The following NAA16 variants were observed in gnomAD, a reference collection of about 807,000 sequenced individuals.
NAA16 encodes N-alpha-acetyltransferase 16, NatA auxiliary subunit.
Under a neutral mutation model 110.3 loss-of-function variants are expected in NAA16, and 97 were observed. The observed-to-expected ratio is 0.88, with a 90% CI of 0.75 to 1.04. The LOEUF (loss-of-function observed/expected upper bound fraction) is 1.04. Ranked by LOEUF, NAA16 falls within the 50% of genes least tolerant of loss-of-function variation. NAA16 has a pLI of 0.00. For synonymous variants in NAA16, 372 were observed against 330.6 expected (o/e 1.13, Z -1.36); for missense variants, 1,017 against 1,005.1 (o/e 1.01, Z -0.16).
At chr13:41,335,614 G>T (rs1200392934) in intron 8 of NAA16, among the ~76,000 whole-genome samples, 1 of 152,078 alleles carries the variant, frequency 6.6e-6, no homozygotes, top group Admixed American at 6.6e-5. Context: ...AGTATTTTGT[G>T]TATGATCTAA....
chr13:41,339,153 T>TTTG, intron 9 of NAA16, among the ~76,000 whole-genome samples: 1 of 152,164 alleles, frequency 6.6e-6, no homozygotes, highest in Admixed American at 6.5e-5. Flanking sequence ...TGTTTGTTTG[T>TTTG]TTTTGAGTCA....
intron 9 of NAA16, among the ~76,000 whole-genome samples, chr13:41,342,272 G>C (rs1240231528): frequency 6.6e-6 from 1 of 152,036 alleles, no homozygotes; most frequent in Non-Finnish European, 1.5e-5. Context: ...CGAGTAGCTG[G>C]GACTACAGGC....
At chr13:41,318,356 C>T (rs940967821) in intron 2 of NAA16, among the ~76,000 whole-genome samples, 4 of 152,130 alleles carry the variant, frequency 2.6e-5, no homozygotes, top group African/African-American at 9.7e-5. Context: ...CAGGCACATG[C>T]CACCATGCCT....
intron 9 of NAA16, among the ~76,000 whole-genome samples, chr13:41,341,104 G>A (rs779716285): frequency 7.9e-5 from 12 of 152,168 alleles, no homozygotes; most frequent in Non-Finnish European, 1.3e-4. Flanking sequence ...GAATAAGTGC[G>A]ATGTGGTGCT....
chr13:41,355,216 G>A lies in NAA16; in HGVS notation c.1087G>A (p.Glu363Lys). 1.3e-6 allele frequency: 2 copies of A among 1,555,294 alleles called. No individual in the cohort carries two copies. Among genetic ancestry groups the A allele is most frequent in the Non-Finnish European group, 1.8e-6 (2 of 1,140,538 alleles). ...AACGTGTGACTTTTTTAGCCCATATGGTAAGTTTAAATTAGATTGAATTGG... is the reference window on the plus strand; with the variant it reads ...AACGTGTGACTTTTTTAGCCCATATAGTAAGTTTAAATTAGATTGAATTGG... The part of the protein sequence containing the change: ...LKTCDFFSPY[E>K]NGEKEPPTTL... The change falls in exon 10 of 20, where the codon GAG becomes AAG. Residue 363 changes from glutamate to lysine, a missense_variant and splice_region_variant. Physicochemically the swap from Glu to Lys is moderately conservative, Grantham distance 56. Coordinates refer to ENST00000379406, the MANE Select transcript of NAA16 (RefSeq NM_024561.5).
intron 12 of NAA16, among the ~76,000 whole-genome samples, chr13:41,359,901 G>A (rs1001494564): frequency 2.0e-5 from 3 of 152,118 alleles, no homozygotes; most frequent in East Asian, 3.8e-4. Flanking sequence ...GGATAAAGAA[G>A]CATTCTTTAT....
At chr13:41,314,867 C>G (rs1051962884) in intron 1 of NAA16, among the ~76,000 whole-genome samples, 1 of 152,072 alleles carries the variant, frequency 6.6e-6, no homozygotes, top group Non-Finnish European at 1.5e-5. Context: ...CATGATGGCA[C>G]ACACCTGTAG....
At chr13:41,362,328 A>G in intron 13 of NAA16, 169 bp downstream of exon 13, 1 of 614,392 alleles carries the variant, frequency 1.6e-6, no homozygotes, top group Non-Finnish European at 2.7e-6. Context: ...GGATTGCTTT[A>G]CTGATCCTCA....
rs145500736 is a variant in NAA16, at chr13:41,366,411, A to G, written c.1540-1028A>G. On this transcript the variant is annotated intron_variant, in intron 13 of 19. Transcript: ENST00000379406. ...ATGAACTAGTAGGAAAGCTTGATCT[A>G]TATTGGTGTATTGAATCACTCATTT... 6.9e-3 allele frequency among the ~76,000 whole-genome samples: 1,051 copies of G among 152,260 alleles called. 14 individuals carry two copies. The highest frequency in any genetic ancestry group is 0.024 in the African/African-American group (989 of 41,554).
At chr13:41,368,322 C>G (rs1280918997) in intron 14 of NAA16, among the ~76,000 whole-genome samples, 1 of 152,022 alleles carries the variant, frequency 6.6e-6, no homozygotes, top group Non-Finnish European at 1.5e-5. Context: ...CTGTTCATTT[C>G]TAATATTTAT....
chr13:41,351,431 G>A (rs985114118), intron 9 of NAA16, among the ~76,000 whole-genome samples: 1 of 152,050 alleles, frequency 6.6e-6, no homozygotes, highest in African/African-American at 2.4e-5. Flanking sequence ...AGCAATTTTG[G>A]TCCTTGCTGG....
chr13:41,372,697 T>C, intron 16 of NAA16, 35 bp from the exon 17 acceptor site: 1 of 1,564,428 alleles, frequency 6.4e-7, no homozygotes, highest in Admixed American at 1.8e-5. Context: ...TGTGTAAGTA[T>C]TAATGCTATT....
At chr13:41,325,878 G>A (rs2042080607) in intron 6 of NAA16, 27 bp downstream of exon 6, 2 of 1,560,500 alleles carry the variant, frequency 1.3e-6, no homozygotes, top group South Asian at 2.4e-5. Context: ...TTTTTTAATA[G>A]CCTCAAACAG....
intron 8 of NAA16, 100 bp from the exon 9 acceptor site, chr13:41,336,550 A>G (rs888381400): frequency 1.5e-6 from 1 of 664,092 alleles, no homozygotes. Context: ...ATTGGATAGG[A>G]GCATAATTGC....
intron 6 of NAA16, 122 bp from the exon 7 acceptor site, chr13:41,328,602 A>G (rs2042153289): frequency 2.6e-6 from 2 of 760,940 alleles, no homozygotes; most frequent in South Asian, 1.9e-5. Context: ...ACATGCCCAA[A>G]GGGGAAGCAT....
chr13:41,359,173 T>C (rs1268392041), intron 12 of NAA16, among the ~76,000 whole-genome samples: 1 of 152,154 alleles, frequency 6.6e-6, no homozygotes, highest in Admixed American at 6.5e-5. Context: ...CAGGGGATGG[T>C]TAAAAAACAA....
chr13:41,368,194 AT>A (rs1365109832), intron 14 of NAA16, among the ~76,000 whole-genome samples: 3 of 152,164 alleles, frequency 2.0e-5, no homozygotes, highest in Non-Finnish European at 4.4e-5. Context: ...AAAAATAAGA[AT>A]ATCAGTGAGA....
Position 41,311,339 on chromosome 13 carries a change from C to T in NAA16, c.-190C>T, listed in dbSNP as rs1303445699. On this transcript the variant is annotated 5_prime_UTR_variant, in exon 1 of 20. Coordinates refer to ENST00000379406, the MANE Select transcript of NAA16 (RefSeq NM_024561.5). ...CCAGGGGAAGCGTGTCCTGCTCAGA[C>T]CGCCTTCCTTCTCCATTGCCACCCG... The T allele has an allele frequency of 1.7e-6, 1 of 602,138 alleles. No homozygotes were observed. Among genetic ancestry groups the T allele is most frequent in the Non-Finnish European group, 2.9e-6 (1 of 343,764 alleles). The allele number at this position is 602,138 out of a possible 1,614,324, so 37.3% of individuals were successfully genotyped here.
At chr13:41,349,347 G>T (rs1299482788) in intron 9 of NAA16, among the ~76,000 whole-genome samples, 1 of 151,646 alleles carries the variant, frequency 6.6e-6, no homozygotes, top group Non-Finnish European at 1.5e-5. Context: ...CACCATGCCT[G>T]GCTAAGTTGT....
Sources: allele counts gnomAD v4.1 joint callset (sites outside exome capture counted in the v4.1 genomes callset), GRCh38; gene constraint gnomAD v4.1.1; transcripts MANE v1.5; gene names NCBI Gene and HGNC (gene_info 2026-07-23, HGNC 2026-07-21).